Variants in NSF observed in about 807,000 individuals in gnomAD.
The protein encoded by NSF is vesicle-fusing ATPase.
NSF carries 14 observed loss-of-function variants against 50.3 expected under a neutral mutation model. That is an observed-to-expected ratio of 0.28 (90% CI 0.18 to 0.44). NSF has a LOEUF of 0.44. Ranked by LOEUF, NSF falls within the 20% of genes least tolerant of loss-of-function variation. The pLI is 1.00. For synonymous variants in NSF, 109 were observed against 175.7 expected (o/e 0.62, Z 3.00); for missense variants, 218 against 504.3 (o/e 0.43, Z 5.44).
intron 15 of NSF, among the ~76,000 whole-genome samples, chr17:46,722,561 G>A (rs1189056518): frequency 6.6e-6 from 1 of 152,136 alleles, no homozygotes; most frequent in East Asian, 1.9e-4. Context: ...TTTTCCTGTG[G>A]CAGCTAACCT....
At chr17:46,734,060 A>G (rs1484070435) in intron 17 of NSF, among the ~76,000 whole-genome samples, 3 of 152,228 alleles carry the variant, frequency 2.0e-5, no homozygotes, top group Non-Finnish European at 4.4e-5. Context: ...TCTCTAGACA[A>G]CATTGCTTTC....
At chr17:46,685,424 T>C (rs1029068625) in intron 9 of NSF, among the ~76,000 whole-genome samples, 4 of 151,804 alleles carry the variant, frequency 2.6e-5, no homozygotes, top group Non-Finnish European at 4.4e-5. Flanking sequence ...TGTTACATAA[T>C]AAAGAAAAAC....
At chr17:46,598,706 C>A (rs1262738721) in intron 1 of NSF, among the ~76,000 whole-genome samples, 1 of 152,166 alleles carries the variant, frequency 6.6e-6, no homozygotes, top group Non-Finnish European at 1.5e-5. Context: ...CTTTTGTAGC[C>A]TTTGTTTAGA....
chr17:46,697,163 C>T (rs1195836753), intron 12 of NSF, among the ~76,000 whole-genome samples: 1 of 147,688 alleles, frequency 6.8e-6, no homozygotes, highest in African/African-American at 2.6e-5. Context: ...CCATAGTACC[C>T]CAGATAGATC....
At chr17:46,755,278 C>T (rs367559191) in intron 19 of NSF, 36 bp from the exon 20 acceptor site, 92 of 1,531,482 alleles carry the variant, frequency 6.0e-5, no homozygotes, top group Non-Finnish European at 8.0e-5. Context: ...TTAGAAGGTA[C>T]CATTAACCCA....
At chr17:46,657,241 G>A (rs1188003371) in intron 8 of NSF, among the ~76,000 whole-genome samples, 3 of 78,168 alleles carry the variant, frequency 3.8e-5, no homozygotes, top group Admixed American at 1.4e-4. Context: ...GGATTCACAA[G>A]TGTAAATGTT....
intron 17 of NSF, among the ~76,000 whole-genome samples, chr17:46,738,373 C>G (rs1445609113): frequency 6.6e-6 from 1 of 152,156 alleles, no homozygotes; most frequent in Non-Finnish European, 1.5e-5. Context: ...TTCATTTTTT[C>G]TAAATGACTG....
intron 12 of NSF, among the ~76,000 whole-genome samples, chr17:46,703,733 G>A (rs1173727038): frequency 3.5e-5 from 5 of 144,242 alleles, no homozygotes; most frequent in South Asian, 2.2e-4. Context: ...AAAATTTACC[G>A]TGTAACCATT....
In NSF at chr17:46,756,316, T is replaced by TG. The variant is rs997217366; in HGVS notation, c.*495dup. ...CTAACACTAAAAGTCACTGGGTATTTGGTTAAAGGTCTCCCACAAGACTGG... is the reference window on the plus strand; with the variant it reads ...CTAACACTAAAAGTCACTGGGTATTTGGGTTAAAGGTCTCCCACAAGACTGG... On this transcript the variant is annotated 3_prime_UTR_variant, in exon 21 of 21. Transcript: ENST00000398238. The TG allele has an allele frequency of 6.5e-6, 1 of 152,682 alleles. No individual in the cohort carries two copies. The highest frequency in any genetic ancestry group is 6.5e-5 in the Admixed American group (1 of 15,304). The allele number at this position is 152,682 out of a possible 1,614,324, so 9.5% of individuals were successfully genotyped here.
At chr17:46,736,736 C>A (rs1332497023) in intron 17 of NSF, among the ~76,000 whole-genome samples, 1 of 152,130 alleles carries the variant, frequency 6.6e-6, no homozygotes, top group Non-Finnish European at 1.5e-5. Context: ...ATGAGACTAC[C>A]TTTGTATCTA....
chr17:46,738,965 G>A (rs2059037620), intron 17 of NSF, among the ~76,000 whole-genome samples: 1 of 151,954 alleles, frequency 6.6e-6, no homozygotes, highest in African/African-American at 2.4e-5. Flanking sequence ...TCCAGGCACG[G>A]TGGCTCACAC....
intron 15 of NSF, among the ~76,000 whole-genome samples, chr17:46,721,262 A>G (rs193032591): frequency 6.6e-6 from 1 of 152,208 alleles, no homozygotes; most frequent in East Asian, 1.9e-4. Flanking sequence ...TAATATGACA[A>G]TCTCATTATG....
At chr17:46,721,421 T>C (rs1382042808) in intron 15 of NSF, among the ~76,000 whole-genome samples, 1 of 152,198 alleles carries the variant, frequency 6.6e-6, no homozygotes, top group Non-Finnish European at 1.5e-5. Flanking sequence ...TGTTTTTTCT[T>C]TAGCCTTCTC....
chr17:46,725,336 C>T (rs545146156), intron 15 of NSF, among the ~76,000 whole-genome samples: 18 of 152,014 alleles, frequency 1.2e-4, no homozygotes, highest in South Asian at 4.2e-4. Flanking sequence ...TAGCTTAGGA[C>T]GAAAGGATAG....
chr17:46,635,791 G>GTGTGTGTGTGTGTA (rs2058180715), intron 4 of NSF, among the ~76,000 whole-genome samples: 1 of 137,428 alleles, frequency 7.3e-6, no homozygotes, highest in African/African-American at 2.8e-5. Flanking sequence ...GTGTGTGTGT[G>GTGTGTGTGTGTGTA]TGTGTGTGTG....
chr17:46,749,621 A>C, intron 17 of NSF, 152 bp from the exon 18 acceptor site: 1 of 686,884 alleles, frequency 1.5e-6, no homozygotes, highest in Non-Finnish European at 2.3e-6. Context: ...CAGGATTTTC[A>C]GGAAAATCCT....
rs752353812 is a variant in NSF, at chr17:46,708,804, T to TTATATA, written c.1471-2145_1471-2140dup. On this transcript the variant is annotated intron_variant, in intron 13 of 20. Coordinates refer to ENST00000398238, the MANE Select transcript of NSF (RefSeq NM_006178.4). ...CCACTGCACTTGGCCACCATTTATTTTATATATATATATATATATTTTTTT... is the reference window on the plus strand; with the variant it reads ...CCACTGCACTTGGCCACCATTTATTTTATATATATATATATATATATATATTTTTTT... Among the ~76,000 whole-genome samples the TTATATA allele has an allele frequency of 3.6e-3, 230 of 64,338 alleles. 3 individuals carry two copies. Among genetic ancestry groups the TTATATA allele is most frequent in the Middle Eastern group, 0.02 (2 of 98 alleles). 42.2% of individuals were successfully genotyped at this position (64,338 alleles called of 152,430 possible).
At chr17:46,755,745 G>A in intron 20 of NSF, 57 bp from the exon 21 acceptor site, 1 of 1,045,764 alleles carries the variant, frequency 9.6e-7, no homozygotes, top group African/African-American at 1.7e-5. Context: ...TTTTTTTGAT[G>A]AATAGTTTTT....
At chr17:46,727,905 G>C (rs761790739) in intron 16 of NSF, among the ~76,000 whole-genome samples, 10 of 152,124 alleles carry the variant, frequency 6.6e-5, no homozygotes, top group Non-Finnish European at 1.5e-4. Context: ...AAGTATTAGA[G>C]TCTCAGAAAA....
Sources: allele counts gnomAD v4.1 joint callset (sites outside exome capture counted in the v4.1 genomes callset), GRCh38; gene constraint gnomAD v4.1.1; transcripts MANE v1.5; gene names NCBI Gene and HGNC (gene_info 2026-07-23, HGNC 2026-07-21).